The following SCAF1 variants were observed in gnomAD, a reference collection of about 807,000 sequenced individuals.
SCAF1 encodes SR-related CTD associated factor 1, also known as splicing factor, arginine/serine-rich 19.
Under a neutral mutation model 91.2 loss-of-function variants are expected in SCAF1, and 28 were observed. That is an observed-to-expected ratio of 0.31 (90% CI 0.23 to 0.42). The LOEUF (loss-of-function observed/expected upper bound fraction) is 0.42. Ranked by LOEUF, SCAF1 falls within the 10% of genes least tolerant of loss-of-function variation. The pLI, the probability that SCAF1 is intolerant of heterozygous loss-of-function variation, is 1.00. For synonymous variants in SCAF1, 1,036 were observed against 833.7 expected (o/e 1.24, Z -4.18); for missense variants, 1,893 against 1,872.1 (o/e 1.01, Z -0.21).
chr19:49,647,836 C>G (rs2081064082), intron 6 of SCAF1, among the ~76,000 whole-genome samples: 1 of 152,050 alleles, frequency 6.6e-6, no homozygotes, highest in African/African-American at 2.4e-5. Flanking sequence ...TTTCACCATG[C>G]TGGCCAGGAT....
intron 7 of SCAF1, 99 bp downstream of exon 7, chr19:49,653,804 A>G (rs536759383): frequency 1.7e-6 from 2 of 1,181,230 alleles, no homozygotes; most frequent in South Asian, 1.7e-5. Flanking sequence ...TGGCAGGGAG[A>G]GGTTTATAGG....
Position 49,651,190 on chromosome 19 carries a change from TGAGGAGGAA to T in SCAF1, c.810_818del (p.Glu280_Glu282del), listed in dbSNP as rs747539558. Reference sequence around the variant, plus strand: ...GCTCATCAGCGGGGACCCCCTCACCTGAGGAGGAAGAGGAGGAGGAAGAGGAAGAAGAAG... The same window carrying T: ...GCTCATCAGCGGGGACCCCCTCACCTGAGGAGGAGGAAGAGGAAGAAGAAG... On this transcript the variant is annotated inframe_deletion, in exon 7 of 11. Transcript: ENST00000360565. 1.2e-6 allele frequency: 2 copies of T among 1,611,360 alleles called. No homozygotes were observed. The highest frequency in any genetic ancestry group is 1.7e-6 in the Non-Finnish European group (2 of 1,179,218).
Position 49,646,029 on chromosome 19 carries a change from C to T in SCAF1, c.167-79C>T. On this transcript the variant is annotated intron_variant, in intron 3 of 10. Coordinates refer to ENST00000360565, the MANE Select transcript of SCAF1 (RefSeq NM_021228.3). This position sits in a 1 kb window ranked among gnomAD's most constrained non-coding sequence, Gnocchi z 5.6. ...CTGGTTCCGCTGTCAGGAACTAGAT[C>T]AAGCTCCTCTTTCCTCTACCCCGCA... 7.5e-7 allele frequency: 1 copy of T among 1,328,472 alleles called. No homozygotes were observed. The allele number at this position is 1,328,472 out of a possible 1,614,324, so 82.3% of individuals were successfully genotyped here. A position where few individuals can be genotyped will look rare whatever the true frequency, so the allele number is the denominator to read the frequency against.
upstream of SCAF1, among the ~76,000 whole-genome samples, chr19:49,641,574 C>T (rs774179620): frequency 2.0e-5 from 3 of 152,202 alleles, no homozygotes; most frequent in Non-Finnish European, 2.9e-5. Flanking sequence ...GCTTCGGCCT[C>T]CCAAAGTGCT....
Position 49,643,436 on chromosome 19 carries a change from A to G in SCAF1, c.-7+1194A>G, listed in dbSNP as rs541924725. Among the ~76,000 whole-genome samples, 5 of 152,280 alleles carry G rather than the reference A, an allele frequency of 3.3e-5. No homozygotes were observed. In the East Asian group the frequency reaches 7.7e-4, roughly 23 times the overall value. ...GTGCTGTGAAGAACTATTTTGTTCTATTTACTTTTTAAAACAAGCTATTTG... is the reference window on the plus strand; with the variant it reads ...GTGCTGTGAAGAACTATTTTGTTCTGTTTACTTTTTAAAACAAGCTATTTG... On this transcript the variant is annotated intron_variant, in intron 1 of 10. Transcript: ENST00000360565.
At position 49,653,263 on chromosome 19, in the gene SCAF1, G is replaced by A; in HGVS notation, c.2874G>A (p.Gly958=). 6.7e-7 allele frequency: 1 copy of A among 1,483,258 alleles called. No homozygotes were observed. The highest frequency in any genetic ancestry group is 9.0e-7 in the Non-Finnish European group (1 of 1,115,320). 91.9% of individuals were successfully genotyped at this position (1,483,258 alleles called of 1,614,324 possible). ...DSCSQAAGTK[G]AEETSWSGEE... ...GCAGCCAGGCGGCAGGCACCAAGGG[G>A]GCGGAGGAGACTTCCTGGTCCGGGG... The change falls in exon 7 of 11, where the codon GGG becomes GGA. Residue 958 remains glycine, a synonymous_variant. Coordinates refer to ENST00000360565, the MANE Select transcript of SCAF1 (RefSeq NM_021228.3).
At position 49,646,586 on chromosome 19, in the gene SCAF1, G is replaced by C; in HGVS notation, c.322G>C (p.Asp108His). Residue 108 changes from aspartate to histidine, a missense_variant, in exon 5 of 11, where the codon GAT becomes CAT. Physicochemically the swap from Asp to His is moderately conservative, Grantham distance 81. This residue lies in a region of SCAF1 where 270 missense variants were observed against 292.5 expected (regional missense o/e 0.92). Coordinates refer to ENST00000360565, the MANE Select transcript of SCAF1 (RefSeq NM_021228.3). This position sits in a 1 kb window ranked among gnomAD's most constrained non-coding sequence, Gnocchi z 5.6. ...AGLVSVLDPP[D>H]TWVPSRLDLR... is the part of the protein sequence containing the mutation. Reference sequence around the variant, plus strand: ...GCTGGTGAGTGTCCTGGATCCCCCGGATACCTGGGTTCCCAGCCGCCTGGA... The same window carrying C: ...GCTGGTGAGTGTCCTGGATCCCCCGCATACCTGGGTTCCCAGCCGCCTGGA... The C allele has an allele frequency of 3.7e-6, 6 of 1,614,136 alleles. No homozygotes were observed. The highest frequency in any genetic ancestry group is 5.1e-6 in the Non-Finnish European group (6 of 1,180,022).
rs745906049 is a variant in SCAF1 at position 49,651,936 on chromosome 19, G to T, written c.1547G>T (p.Arg516Leu). ...GCCGCCGCTGCTGGTCCGCCCACGC[G>T]CAAGAAGTCCAGGCGGGAACGCAAG... ...APAAAAGPPT[R>L]KKSRRERKRS... The change falls in exon 7 of 11, where the codon CGC (arginine) becomes CTC (leucine). Residue 516 changes from arginine to leucine, a missense_variant. Coordinates refer to ENST00000360565, the MANE Select transcript of SCAF1 (RefSeq NM_021228.3). 3.4e-6 allele frequency: 4 copies of T among 1,185,026 alleles called. No homozygotes were observed. The highest frequency in any genetic ancestry group is 1.9e-5 in the South Asian group (1 of 53,908). 73.4% of individuals were successfully genotyped at this position (1,185,026 alleles called of 1,614,324 possible).
chr19:49,658,020 G>A, intron 10 of SCAF1, 131 bp downstream of exon 10: 1 of 1,361,708 alleles, frequency 7.3e-7, no homozygotes, highest in East Asian at 2.5e-5. Context: ...AGGGTGACAG[G>A]ATTTTCTCAA....
In SCAF1 at chr19:49,646,705, C is replaced by T. The variant is rs923194861; in HGVS notation, c.363-10C>T. ...ACCCCTGAGGCTCACCCACCCCTTC[C>T]GCCTTGCAGAAGTGAGGACATGCTG... is the stretch of plus-strand genomic sequence containing the variant. On this transcript the variant is annotated splice_polypyrimidine_tract_variant and intron_variant, in intron 5 of 10. Transcript: ENST00000360565. The surrounding 1 kb of genome is among the most constrained non-coding windows in gnomAD (Gnocchi z 5.6). The T allele has an allele frequency of 1.2e-5, 20 of 1,612,942 alleles. No homozygotes were observed. Among genetic ancestry groups the T allele is most frequent in the African/African-American group, 9.3e-5 (7 of 74,884 alleles).
rs922703882 is a variant in SCAF1, at chr19:49,651,898, C to T, written c.1509C>T (p.Pro503=). Residue 503 remains proline (P), a synonymous_variant, in exon 7 of 11, where the codon CCC becomes CCT. Transcript: ENST00000360565. ...RYRQRSPSPA[P]APAPAAAAGP... ...GCCAGCGCTCGCCCTCCCCGGCGCC[C>T]GCGCCCGCCCCGGCCGCCGCTGCTG... 1.4e-5 allele frequency: 16 copies of T among 1,165,174 alleles called. No homozygotes were observed. Among genetic ancestry groups the T allele is most frequent in the African/African-American group, 3.4e-5 (2 of 58,862 alleles). 72.2% of individuals were successfully genotyped at this position (1,165,174 alleles called of 1,614,324 possible). A position where few individuals can be genotyped will look rare whatever the true frequency, so the allele number is the denominator to read the frequency against.
rs771460314 is a variant in SCAF1, at chr19:49,651,190, TGAGGAGGAAGAG to T, written c.816_827del (p.Glu279_Glu282del). On this transcript the variant is annotated inframe_deletion, in exon 7 of 11. Transcript: ENST00000360565. ...GCTCATCAGCGGGGACCCCCTCACCTGAGGAGGAAGAGGAGGAGGAAGAGGAAGAAGAAGAGG... is the reference window on the plus strand; with the variant it reads ...GCTCATCAGCGGGGACCCCCTCACCTGAGGAGGAAGAGGAAGAAGAAGAGG... 208 of 1,611,360 alleles carry T rather than the reference TGAGGAGGAAGAG, an allele frequency of 1.3e-4. No individual in the cohort carries two copies. Among genetic ancestry groups the T allele is most frequent in the Middle Eastern group, 4.9e-4 (3 of 6,062 alleles).
chr19:49,657,621 A>C lies in SCAF1; in HGVS notation c.3619-140A>C. The C allele has an allele frequency of 5.6e-6, 6 of 1,072,964 alleles. No homozygotes were observed. In the Admixed American group the frequency reaches 1.4e-4, roughly 25 times the overall value. The allele number at this position is 1,072,964 out of a possible 1,614,324, so 66.5% of individuals were successfully genotyped here. ...CTGCAGCAGAGGGCGCATGGGACAG[A>C]CCCTCAGCAGGACTTCCAGCCTGAG... On this transcript the variant is annotated intron_variant, in intron 9 of 10. Coordinates refer to ENST00000360565, the MANE Select transcript of SCAF1 (RefSeq NM_021228.3).
Position 49,646,865 on chromosome 19 carries a change from C to A in SCAF1, c.478+35C>A. ...GCCAGGGCGGAGCTGGGCAGGTGGT[C>A]GTGGAGTTGTGTGGGGATCGGCTGT... On this transcript the variant is annotated intron_variant, in intron 6 of 10. Coordinates refer to ENST00000360565, the MANE Select transcript of SCAF1 (RefSeq NM_021228.3). This position sits in a 1 kb window ranked among gnomAD's most constrained non-coding sequence, Gnocchi z 5.6. The A allele has an allele frequency of 1.9e-6, 3 of 1,539,044 alleles. No homozygotes were observed. The South Asian group carries it at 3.5e-5, about 18-fold the overall frequency.
Position 49,653,615 on chromosome 19 carries a change from TC to T in SCAF1, c.3229del (p.Arg1077ValfsTer30). 1 of 1,585,614 alleles carries T rather than the reference TC, an allele frequency of 6.3e-7. No individual in the cohort carries two copies. ...CTCGGGGGCGGAGGACGGGCCAGCT[TC>T]CCGTGTCTCCCAGCTGCCCACGTTG... ...GDSGAEDGPA[S>X]RVSQLPTLPP... On this transcript the variant is annotated frameshift_variant, in exon 7 of 11. Coordinates refer to ENST00000360565, the MANE Select transcript of SCAF1 (RefSeq NM_021228.3). LOFTEE classifies it high-confidence loss of function.
chr19:49,654,553 C>G (rs1378494427), intron 8 of SCAF1, 99 bp from the exon 9 acceptor site: 9 of 1,357,792 alleles, frequency 6.6e-6, no homozygotes, highest in Non-Finnish European at 9.3e-6. Context: ...GAGCCTGTTG[C>G]CTCAGCTGTG....
At chr19:49,653,966 G>A (rs1219242254) in intron 7 of SCAF1, among the ~76,000 whole-genome samples, 1 of 152,206 alleles carries the variant, frequency 6.6e-6, no homozygotes, top group East Asian at 1.9e-4. Flanking sequence ...CGGGGAGTAG[G>A]AGAGAGGGAC....
intron 1 of SCAF1, among the ~76,000 whole-genome samples, chr19:49,644,485 A>G (rs2081043437): frequency 1.3e-5 from 2 of 152,300 alleles, no homozygotes; most frequent in South Asian, 4.1e-4. Context: ...TATAAATACA[A>G]TTTGGGGGTG....
Position 49,658,479 on chromosome 19 carries a change from C to A in SCAF1, c.*80C>A. 1 of 773,522 alleles carries A rather than the reference C, an allele frequency of 1.3e-6. No individual in the cohort carries two copies. Among genetic ancestry groups the A allele is most frequent in the Non-Finnish European group, 2.1e-6 (1 of 486,192 alleles). The allele number at this position is 773,522 out of a possible 1,614,324, so 47.9% of individuals were successfully genotyped here. On this transcript the variant is annotated 3_prime_UTR_variant, in exon 11 of 11. Transcript: ENST00000360565. ...GGCTCCACCTCCCCACCTCCCTCCC[C>A]CGTCAGTGGGATGACTGGGGGAGGG...
Sources: gnomAD v4.1 joint callset for allele counts (sites outside exome capture counted in the v4.1 genomes callset) on GRCh38, gnomAD v4.1.1 for gene constraint, gnomAD v4.1.1 regional missense constraint, Gnocchi (gnomAD v3.1) non-coding constraint, MANE v1.5 for transcripts, NCBI Gene and HGNC (gene_info 2026-07-23, HGNC 2026-07-21) for gene names.